The following KLC3 variants were observed in gnomAD, a reference collection of about 807,000 sequenced individuals.
KLC3 encodes the protein kinesin light chain 3, also known as kinesin light chain 2.
A neutral mutation model predicts 62.9 loss-of-function variants in KLC3; 72 were observed. That is an observed-to-expected ratio of 1.15 (90% CI 0.95 to 1.39). The LOEUF is 1.39. KLC3 is among the 40% of genes most tolerant of loss of function. The pLI, the probability that KLC3 is intolerant of heterozygous loss-of-function variation, is 0.00. For missense variants in KLC3, 848 were observed against 691.6 expected (o/e 1.23, Z -2.54); for synonymous variants, 377 against 300.5 (o/e 1.25, Z -2.63).
At chr19:45,347,425 C>T (rs56396771) in intron 3 of KLC3, 22 bp from the exon 4 acceptor site, 1 of 1,603,220 alleles carries the variant, frequency 6.2e-7, no homozygotes, top group Non-Finnish European at 8.5e-7. Context: ...CACCCCGGCC[C>T]CCCACTTTCC....
At chr19:45,343,857 T>C (rs1196874839) in intron 1 of KLC3, among the ~76,000 whole-genome samples, 1 of 151,004 alleles carries the variant, frequency 6.6e-6, no homozygotes, top group African/African-American at 2.4e-5. Context: ...TTCTTTCTTT[T>C]TTGACTGGGT....
Position 45,345,794 on chromosome 19 carries a change from G to GC in KLC3, c.256dup (p.Gln86ProfsTer81), listed in dbSNP as rs774223172. ...GGCCATCGAGCTGGGGCTGGGCGAG[G>GC]CCCAGGTATGAGGGGGCCAGGTGGG... On this transcript the variant is annotated frameshift_variant, in exon 2 of 13. Transcript: ENST00000391946. LOFTEE classifies it high-confidence loss of function. 30 of 1,547,484 alleles carry GC rather than the reference G, an allele frequency of 1.9e-5. No homozygotes were observed. The highest frequency in any genetic ancestry group is 2.5e-5 in the Non-Finnish European group (29 of 1,146,510).
chr19:45,351,379 C>T lies in KLC3; in HGVS notation c.*22C>T, dbSNP rs373169640. On this transcript the variant is annotated 3_prime_UTR_variant, in exon 13 of 13. Coordinates refer to ENST00000391946, the MANE Select transcript of KLC3 (RefSeq NM_177417.3). ...CTAACGTCCAGTGAACTGCGCTGGCCGCAGCTTCTTGGGAACAGTGCAGGA... is the reference window on the plus strand; with the variant it reads ...CTAACGTCCAGTGAACTGCGCTGGCTGCAGCTTCTTGGGAACAGTGCAGGA... The T allele has an allele frequency of 5.0e-5, 80 of 1,607,938 alleles. No individual in the cohort carries two copies. The highest frequency in any genetic ancestry group is 1.9e-4 in the African/African-American group (14 of 75,022).
chr19:45,344,401 T>A (rs1971448746), intron 1 of KLC3, among the ~76,000 whole-genome samples: 1 of 122,002 alleles, frequency 8.2e-6, no homozygotes, highest in Non-Finnish European at 1.7e-5. Context: ...TTTTTTCCAG[T>A]AGAGACAGGG....
At chr19:45,345,390 A>G in intron 1 of KLC3, 144 bp from the exon 2 acceptor site, 1 of 1,041,524 alleles carries the variant, frequency 9.6e-7, no homozygotes, top group Non-Finnish European at 1.4e-6. Flanking sequence ...GTGGAGGCAG[A>G]GGGCTGGCCA....
At chr19:45,351,234 G>A (rs926588817) in intron 12 of KLC3, 52 bp from the exon 13 acceptor site, 1 of 1,588,730 alleles carries the variant, frequency 6.3e-7, no homozygotes, top group Non-Finnish European at 8.6e-7. Context: ...GAGGGTGGAT[G>A]TAACACTTGC....
intron 3 of KLC3, chr19:45,346,991 C>T (rs948966162): frequency 1.9e-6 from 1 of 528,340 alleles, no homozygotes; most frequent in Admixed American, 3.4e-5. Flanking sequence ...CCACGAAGCC[C>T]CCGAGCCTCG....
intron 11 of KLC3, 44 bp downstream of exon 11, chr19:45,350,791 A>T (rs758788696): frequency 2.0e-6 from 3 of 1,536,052 alleles, no homozygotes; most frequent in Non-Finnish European, 2.7e-6. Context: ...CATCAGCAGA[A>T]TCCACAGCCC....
In KLC3 at chr19:45,350,628, G is replaced by T. The variant is rs371863089; in HGVS notation, c.1273-13G>T. 2 of 1,612,774 alleles carry T rather than the reference G, an allele frequency of 1.2e-6. No homozygotes were observed. Among genetic ancestry groups the T allele is most frequent in the Non-Finnish European group, 1.7e-6 (2 of 1,178,964 alleles). On this transcript the variant is annotated splice_polypyrimidine_tract_variant and intron_variant, in intron 10 of 12. Transcript: ENST00000391946. The stretch of plus-strand genomic sequence containing the variant: ...GCCTGGGGGACTGAGCAGCATCCCC[G>T]GCCCCTCCCCAGGCCCTTCGCCGCA...
At position 45,350,968 on chromosome 19, in the gene KLC3, T is replaced by C. The variant is rs755377157; in HGVS notation, c.1394T>C (p.Met465Thr). The C allele has an allele frequency of 5.3e-5, 85 of 1,613,970 alleles. No homozygotes were observed. The highest frequency in any genetic ancestry group is 6.9e-5 in the Non-Finnish European group (81 of 1,180,030). Residue 465 changes from methionine to threonine, a missense_variant, in exon 12 of 13, where the codon ATG (methionine) becomes ACG (threonine). Coordinates refer to ENST00000391946, the MANE Select transcript of KLC3 (RefSeq NM_177417.3). Reference sequence around the variant, plus strand: ...CCTCTTTGCAGAATGAAGAGAGCCATGTCACTCAACACACTGAACGTGGAT... The same window carrying C: ...CCTCTTTGCAGAATGAAGAGAGCCACGTCACTCAACACACTGAACGTGGAT... ...AAGAAGMKRA[M>T]SLNTLNVDAP...
intron 8 of KLC3, chr19:45,349,860 G>A: frequency 2.0e-6 from 1 of 505,454 alleles, no homozygotes; most frequent in South Asian, 2.9e-5. Context: ...CATTTATTGA[G>A]CTCACTGTGG....
Position 45,348,222 on chromosome 19 carries a change from G to A in KLC3, c.779+62G>A, listed in dbSNP as rs1971556100. On this transcript the variant is annotated intron_variant, in intron 5 of 12. Transcript: ENST00000391946. ...CGGCAGGGACCCATTGGGTGCAAGT[G>A]GAAGGATCCTGGTGCCCCCTCTGTC... 1.3e-5 allele frequency: 18 copies of A among 1,431,788 alleles called. No individual in the cohort carries two copies. The South Asian group carries it at 1.7e-4, about 13-fold the overall frequency. 88.7% of individuals were successfully genotyped at this position (1,431,788 alleles called of 1,614,324 possible).
In KLC3 at chr19:45,345,588, A is replaced by G. The variant is rs983830837; in HGVS notation, c.47A>G (p.Glu16Gly). ...AAPGSAGLGP[E>G]RLSPEELVRQ... is the part of the protein sequence containing the mutation. ...CCTGGAAGTGCAGGGCTGGGCCCAGAGCGCCTGAGCCCTGAGGAGCTGGTG... is the reference window on the plus strand; with the variant it reads ...CCTGGAAGTGCAGGGCTGGGCCCAGGGCGCCTGAGCCCTGAGGAGCTGGTG... Residue 16 changes from glutamate (E) to glycine (G), a missense_variant, in exon 2 of 13, where the codon GAG becomes GGG. By Grantham distance (98) the Glu-to-Gly change is moderately conservative. Transcript: ENST00000391946. 3.2e-6 allele frequency: 5 copies of G among 1,570,766 alleles called. No individual in the cohort carries two copies. Among genetic ancestry groups the G allele is most frequent in the Non-Finnish European group, 4.3e-6 (5 of 1,159,000 alleles).
intron 4 of KLC3, 97 bp downstream of exon 4, chr19:45,347,613 GGAGGTGAGGGCAGGGT>G (rs895946478): frequency 7.0e-6 from 8 of 1,149,130 alleles, no homozygotes; most frequent in Non-Finnish European, 1.0e-5. Context: ...CAGGGGATGG[GGAGGTGAGGGCAGGGT>G]GAGGAGGACC....
Position 45,345,579 on chromosome 19 carries a change from T to A in KLC3, c.38T>A (p.Leu13Gln). 1 of 1,568,594 alleles carries A rather than the reference T, an allele frequency of 6.4e-7. No individual in the cohort carries two copies. Among genetic ancestry groups the A allele is most frequent in the Non-Finnish European group, 8.6e-7 (1 of 1,157,658 alleles). ...VQVAAPGSAG[L>Q]GPERLSPEEL... ...GTAGCGGCTCCTGGAAGTGCAGGGCTGGGCCCAGAGCGCCTGAGCCCTGAG... is the reference window on the plus strand; with the variant it reads ...GTAGCGGCTCCTGGAAGTGCAGGGCAGGGCCCAGAGCGCCTGAGCCCTGAG... The change falls in exon 2 of 13, where the codon CTG becomes CAG. Residue 13 changes from leucine (L) to glutamine (Q), a missense_variant. By Grantham distance (113) the Leu-to-Gln change is moderately radical. Coordinates refer to ENST00000391946, the MANE Select transcript of KLC3 (RefSeq NM_177417.3).
chr19:45,345,163 G>T lies in KLC3; in HGVS notation c.-8-371G>T, dbSNP rs114118390. On this transcript the variant is annotated intron_variant, in intron 1 of 12. Coordinates refer to ENST00000391946, the MANE Select transcript of KLC3 (RefSeq NM_177417.3). ...GCCAACCGGGAGCTCTGGGCCAGGG[G>T]ATCCAAGGGCCTTGGGGTGGGGAAG... The T allele has an allele frequency of 1.5e-3, 626 of 420,664 alleles. 2 individuals carry two copies. The highest frequency in any genetic ancestry group is 0.012 in the African/African-American group (593 of 48,702). 26.1% of individuals were successfully genotyped at this position (420,664 alleles called of 1,614,324 possible). A position where few individuals can be genotyped will look rare whatever the true frequency, so the allele number is the denominator to read the frequency against.
intron 1 of KLC3, among the ~76,000 whole-genome samples, chr19:45,341,186 TTGTGTGTGTG>T (rs113240301): frequency 3.6e-5 from 4 of 111,826 alleles, no homozygotes; most frequent in South Asian, 5.2e-4. Context: ...CTGCCTGTGT[TTGTGTGTGTG>T]TGTGTGTGTG....
intron 2 of KLC3, 83 bp from the exon 3 acceptor site, chr19:45,346,461 G>A (rs566982850): frequency 9.3e-6 from 11 of 1,186,130 alleles, no homozygotes; most frequent in African/African-American, 1.5e-5. Context: ...GGGTGCTACG[G>A]CCTGACTCGA....
intron 10 of KLC3, 27 bp from the exon 11 acceptor site, chr19:45,350,614 T>G (rs1480085465): frequency 5.0e-6 from 8 of 1,612,846 alleles, no homozygotes; most frequent in Admixed American, 1.7e-5. Flanking sequence ...CCTGGGGGAC[T>G]GAGCAGCATC....
Sources: gnomAD v4.1 joint callset for allele counts (sites outside exome capture counted in the v4.1 genomes callset) on GRCh38, gnomAD v4.1.1 for gene constraint, MANE v1.5 for transcripts, NCBI Gene and HGNC (gene_info 2026-07-23, HGNC 2026-07-21) for gene names.